The following PER3 variants were observed in gnomAD, a reference collection of about 807,000 sequenced individuals.
PER3 encodes the protein period circadian regulator 3, also known as period circadian protein homolog 3.
Under a neutral mutation model 127.2 loss-of-function variants are expected in PER3, and 107 were observed. The ratio of observed to expected loss-of-function variants is 0.84; its 90% CI spans 0.72 to 0.99. The LOEUF (loss-of-function observed/expected upper bound fraction) is 0.99, where lower values mean the gene tolerates loss of function less well. Among genes scored for constraint, PER3 ranks in the 50% least tolerant of loss-of-function variants. The probability of loss-of-function intolerance (pLI) is 0.00; values close to 1 mark genes in which losing one functional copy is unlikely to be tolerated. For missense variants in PER3, 1,560 were observed against 1,525.8 expected, an observed-to-expected ratio of 1.02 and a Z score of -0.37; for synonymous variants, 618 against 585.8, an observed-to-expected ratio of 1.05 and a Z score of -0.79.
chr1:7,826,669 A>C lies in PER3; in HGVS notation c.2147A>C (p.Gln716Pro), dbSNP rs755206361. 9.3e-6 allele frequency: 15 copies of C among 1,612,450 alleles called. No individual in the cohort carries two copies. The highest frequency in any genetic ancestry group is 1.2e-5 in the Non-Finnish European group (14 of 1,178,384). Residue 716 changes from glutamine to proline, a missense_variant, in exon 17 of 22, where the codon CAG becomes CCG. Physicochemically the swap from Gln to Pro is moderately conservative, Grantham distance 76. Transcript: ENST00000377532. The surrounding 1 kb of genome is among the most constrained non-coding windows in gnomAD (Gnocchi z 4.2). The part of the protein sequence containing the change: ...ILSSPYSSYL[Q>P]QESRSKAKYS... ...TCATCACCCTACAGCTCCTATCTTC[A>C]GCAAGAAAGCAGGAGCAAAGCTAAA... is the stretch of plus-strand genomic sequence containing the variant.
intron 5 of PER3, among the ~76,000 whole-genome samples, chr1:7,792,277 T>G (rs1340624957): frequency 6.6e-6 from 1 of 152,078 alleles, no homozygotes; most frequent in Non-Finnish European, 1.5e-5. Context: ...AAGCCTCTTA[T>G]AAAACCATGA....
chr1:7,811,967 T>C (rs2150886777), intron 13 of PER3, among the ~76,000 whole-genome samples: 1 of 152,362 alleles, frequency 6.6e-6, no homozygotes, highest in East Asian at 1.9e-4. Flanking sequence ...TTGAAACCCC[T>C]ACATTTCTCC....
At chr1:7,796,448 A>G (rs2097145996) in intron 6 of PER3, among the ~76,000 whole-genome samples, 1 of 150,230 alleles carries the variant, frequency 6.7e-6, no homozygotes, top group Non-Finnish European at 1.5e-5. Flanking sequence ...CCTCCCAAGT[A>G]GCTGGGACTA....
rs755738638 is a variant in PER3, at chr1:7,784,980, A to C, written c.103A>C (p.Arg35=). 2 of 1,567,262 alleles carry C rather than the reference A, an allele frequency of 1.3e-6. No homozygotes were observed. The highest frequency in any genetic ancestry group is 1.7e-6 in the Non-Finnish European group (2 of 1,163,902). ...GTGGAGCCCCGAGTTCCATCTGCAG[A>C]GGAAATTGGCGGACAGCAGCCACAG... ...ERWSPEFHLQ[R]KLADSSHSEQ... Residue 35 remains arginine (R), a synonymous_variant, in exon 2 of 22, where the codon AGG becomes CGG. Transcript: ENST00000377532.
Position 7,827,702 on chromosome 1 carries a change from A to G in PER3, c.2773A>G (p.Ile925Val), listed in dbSNP as rs757120709. 5 of 1,614,182 alleles carry G rather than the reference A, an allele frequency of 3.1e-6. No homozygotes were observed. Among genetic ancestry groups the G allele is most frequent in the Non-Finnish European group, 4.2e-6 (5 of 1,180,042 alleles). Residue 925 changes from isoleucine to valine, a missense_variant, in exon 18 of 22, where the codon ATT becomes GTT. Transcript: ENST00000377532. ...GGCACAAAGCGAGGGGCACCCGTTC[A>G]TTACTTCGAGAAGCAGCTCACCCTT... is the stretch of plus-strand genomic sequence containing the variant. ...WEAQSEGHPF[I>V]TSRSSSPLQL...
In PER3 at chr1:7,820,606, C is replaced by T. The variant is rs201073002; in HGVS notation, c.1923C>T (p.Ser641=). Residue 641 remains serine (S), a synonymous_variant, in exon 16 of 22, where the codon AGC becomes AGT. Coordinates refer to ENST00000377532, the MANE Select transcript of PER3 (RefSeq NM_001377275.1). ...LGSGISQCGY[S]STIVHVPPPE... ...CGGGCATAAGCCAATGCGGTTACAG[C>T]AGCACCATTGTCCATGTCCCACCCC... The T allele has an allele frequency of 2.8e-5, 45 of 1,614,004 alleles. No individual in the cohort carries two copies. Among genetic ancestry groups the T allele is most frequent in the African/African-American group, 1.3e-5 (1 of 74,928 alleles).
At chr1:7,785,074 AC>A in intron 2 of PER3, 69 bp downstream of exon 2, 1 of 1,498,618 alleles carries the variant, frequency 6.7e-7, no homozygotes, top group Non-Finnish European at 9.0e-7. Flanking sequence ...GGAAAGGGGG[AC>A]CTAAATCTTT....
rs1036596771 is a variant in PER3, at chr1:7,838,099, G to A, written c.3549+950G>A. Among the ~76,000 whole-genome samples, 11 of 152,174 alleles carry A rather than the reference G, an allele frequency of 7.2e-5. No individual in the cohort carries two copies. The East Asian group carries it at 2.1e-3, about 29-fold the overall frequency. On this transcript the variant is annotated intron_variant, in intron 21 of 21. Transcript: ENST00000377532. ...TGTGTAAAAATATTTTTAAAAAAGA[G>A]AGTAAAGTTAGGTGTTAAAGTATGA...
At chr1:7,815,969 G>T (rs1056191502) in intron 13 of PER3, among the ~76,000 whole-genome samples, 5 of 131,614 alleles carry the variant, frequency 3.8e-5, no homozygotes, top group Non-Finnish European at 7.8e-5. Context: ...CTCCAGCCTG[G>T]GCGACAGAGC....
At chr1:7,802,789 A>G (rs2097176049) in intron 8 of PER3, among the ~76,000 whole-genome samples, 1 of 152,234 alleles carries the variant, frequency 6.6e-6, no homozygotes. Context: ...GTAAGCATAC[A>G]GCGAGACTGT....
chr1:7,789,788 T>C (rs547131567), intron 5 of PER3, among the ~76,000 whole-genome samples: 4 of 152,346 alleles, frequency 2.6e-5, no homozygotes, highest in African/African-American at 7.2e-5. Flanking sequence ...CTTCCAATTA[T>C]AGATTGCCCC....
At chr1:7,786,693 T>C in intron 3 of PER3, 28 bp from the exon 4 acceptor site, 3 of 1,124,758 alleles carry the variant, frequency 2.7e-6, no homozygotes, top group Non-Finnish European at 4.1e-6. Flanking sequence ...GTCACTGGAC[T>C]ACCTGTTTAT....
At chr1:7,787,463 G>A (rs1346766241) in intron 4 of PER3, 13 of 473,100 alleles carry the variant, frequency 2.7e-5, no homozygotes, top group Middle Eastern at 3.3e-4. Context: ...ATGGACTGGT[G>A]TGTACATAGT....
chr1:7,793,495 A>C (rs945761117), intron 5 of PER3, among the ~76,000 whole-genome samples: 1 of 152,218 alleles, frequency 6.6e-6, no homozygotes, highest in Admixed American at 6.5e-5. Context: ...ACTTTTTGAA[A>C]TTTATCCAAA....
At chr1:7,795,001 A>G (rs6701775) in intron 6 of PER3, among the ~76,000 whole-genome samples, 255 of 152,248 alleles carry the variant, frequency 1.7e-3, no homozygotes, top group African/African-American at 5.7e-3. Context: ...TAAATGCTCA[A>G]GATGTTTAGA....
intron 10 of PER3, among the ~76,000 whole-genome samples, chr1:7,804,462 C>G (rs967390975): frequency 2.0e-5 from 3 of 147,066 alleles, no homozygotes; most frequent in African/African-American, 7.6e-5. Flanking sequence ...TGCAGTGATG[C>G]GATCACAGCT....
rs953932727 is a variant in PER3, at chr1:7,784,646, C to A, written c.-224-8C>A. 7.0e-6 allele frequency: 3 copies of A among 428,046 alleles called. No homozygotes were observed. Among genetic ancestry groups the A allele is most frequent in the African/African-American group, 2.1e-5 (1 of 48,144 alleles). The allele number at this position is 428,046 out of a possible 1,614,324, so 26.5% of individuals were successfully genotyped here. On this transcript the variant is annotated splice_region_variant and splice_polypyrimidine_tract_variant and intron_variant, in intron 1 of 21. Transcript: ENST00000377532. The stretch of plus-strand genomic sequence containing the variant: ...TTGTCCCTTGTCACCCTTGTCTCCT[C>A]CCCCTAGGCCGGAGTCCTGAAAGTC...
At chr1:7,793,898 GTTTCAC>G (rs1165870741) in intron 5 of PER3, 53 bp from the exon 6 acceptor site, 1 of 1,386,062 alleles carries the variant, frequency 7.2e-7, no homozygotes, top group African/African-American at 1.4e-5. Flanking sequence ...GTGCAACATT[GTTTCAC>G]TGAGAAAGAC....
At chr1:7,817,766 G>A (rs2097258322) in intron 13 of PER3, among the ~76,000 whole-genome samples, 1 of 152,184 alleles carries the variant, frequency 6.6e-6, no homozygotes, top group South Asian at 2.1e-4. Flanking sequence ...TTCAGGCAAA[G>A]ATTATCAAGG....
Sources: allele counts gnomAD v4.1 joint callset (sites outside exome capture counted in the v4.1 genomes callset), GRCh38; gene constraint gnomAD v4.1.1; non-coding constraint Gnocchi (gnomAD v3.1); transcripts MANE v1.5; gene names NCBI Gene and HGNC (gene_info 2026-07-23, HGNC 2026-07-21).